The following DENND4C variants were observed in gnomAD, a reference collection of about 807,000 sequenced individuals.
The protein encoded by DENND4C is DENN domain containing 4C.
Under a neutral mutation model 203.0 loss-of-function variants are expected in DENND4C, and 108 were observed. The ratio of observed to expected loss-of-function variants is 0.53; its 90% CI spans 0.46 to 0.62. The LOEUF (loss-of-function observed/expected upper bound fraction) is 0.62, where lower values mean the gene tolerates loss of function less well. DENND4C is among the 20% of genes least tolerant of loss of function. The pLI is 0.00. For missense variants in DENND4C, 2,481 were observed against 2,301.2 expected, an observed-to-expected ratio of 1.08 and a Z score of -1.60; for synonymous variants, 871 against 792.4, an observed-to-expected ratio of 1.10 and a Z score of -1.67.
chr9:19,330,151 T>C (rs1818742896), intron 16 of DENND4C, among the ~76,000 whole-genome samples: 1 of 152,086 alleles, frequency 6.6e-6, no homozygotes, highest in African/African-American at 2.4e-5. Flanking sequence ...GGCAAATTTC[T>C]AAAACGAGAA....
chr9:19,262,202 T>A (rs960665317), intron 1 of DENND4C, among the ~76,000 whole-genome samples: 1 of 145,040 alleles, frequency 6.9e-6, no homozygotes, highest in Non-Finnish European at 1.5e-5. Flanking sequence ...TTCTTCGACC[T>A]CAGCCTCCAG....
intron 1 of DENND4C, among the ~76,000 whole-genome samples, chr9:19,269,977 G>C (rs1564104267): frequency 6.6e-6 from 1 of 152,166 alleles, no homozygotes; most frequent in Non-Finnish European, 1.5e-5. Context: ...TCTACATTAG[G>C]GAGCACCTTA....
At chr9:19,257,252 A>G (rs960821416) in intron 1 of DENND4C, among the ~76,000 whole-genome samples, 3 of 151,566 alleles carry the variant, frequency 2.0e-5, no homozygotes, top group Non-Finnish European at 4.4e-5. Flanking sequence ...GCTACTCAGG[A>G]GGCTGAGGTG....
chr9:19,296,219 C>G lies in DENND4C; in HGVS notation c.1013C>G (p.Ser338Cys), dbSNP rs898914437. The G allele has an allele frequency of 1.9e-6, 3 of 1,611,590 alleles. No individual in the cohort carries two copies. The highest frequency in any genetic ancestry group is 2.7e-5 in the African/African-American group (2 of 74,772). Residue 338 changes from serine to cysteine, a missense_variant, in exon 6 of 33, where the codon TCT (serine) becomes TGT (cysteine). By Grantham distance (112) the Ser-to-Cys change is moderately radical (BLOSUM62 -1). Coordinates refer to ENST00000434457, the MANE Select transcript of DENND4C (RefSeq NM_001330640.2). ...ATGTTTATCTACAAACTTTCTGTGTCTGGACCACATCCTCTTCCCATTGAA... is the reference window on the plus strand; with the variant it reads ...ATGTTTATCTACAAACTTTCTGTGTGTGGACCACATCCTCTTCCCATTGAA... ...FLMFIYKLSV[S>C]GPHPLPIEKH...
intron 10 of DENND4C, among the ~76,000 whole-genome samples, chr9:19,315,693 C>G (rs895995511): frequency 2.7e-5 from 4 of 150,076 alleles, no homozygotes; most frequent in Non-Finnish European, 5.9e-5. Flanking sequence ...ATGGTCATCT[C>G]TATGGCTTTG....
intron 2 of DENND4C, among the ~76,000 whole-genome samples, chr9:19,280,493 A>C (rs891077721): frequency 1.3e-5 from 2 of 152,110 alleles, no homozygotes; most frequent in South Asian, 2.1e-4. Flanking sequence ...AAATGGGTGT[A>C]AACACAGAGT....
intron 10 of DENND4C, among the ~76,000 whole-genome samples, chr9:19,312,228 C>T (rs913062394): frequency 1.3e-5 from 2 of 152,086 alleles, no homozygotes; most frequent in African/African-American, 4.8e-5. Context: ...CTCAGCCTCC[C>T]GAGTAGCTGG....
At position 19,342,781 on chromosome 9, in the gene DENND4C, TGA is replaced by T. The variant is rs1426045849; in HGVS notation, c.3151+4_3151+5del. 6.3e-7 allele frequency: 1 copy of T among 1,593,260 alleles called. No homozygotes were observed. The highest frequency in any genetic ancestry group is 2.3e-5 in the East Asian group (1 of 44,372). On this transcript the variant is annotated splice_donor_region_variant and intron_variant, in intron 22 of 32. Coordinates refer to ENST00000434457, the MANE Select transcript of DENND4C (RefSeq NM_001330640.2). ...TCAACAGCAGGAAAAGTAGCACTGG[TGA>T]GTCTTTACATTTTGGTTATTAAATA... is the stretch of plus-strand genomic sequence containing the variant.
intron 10 of DENND4C, among the ~76,000 whole-genome samples, chr9:19,314,221 G>C (rs1841318898): frequency 1.3e-5 from 2 of 152,158 alleles, no homozygotes; most frequent in African/African-American, 4.8e-5. Context: ...TTGGGAGGCT[G>C]ATGCAGGCGG....
chr9:19,276,634 T>C, intron 2 of DENND4C, 155 bp downstream of exon 2: 1 of 445,272 alleles, frequency 2.2e-6, no homozygotes, highest in Non-Finnish European at 3.7e-6. Flanking sequence ...TATAGTAATA[T>C]ATTACATGCC....
chr9:19,276,535 A>T, intron 2 of DENND4C, 56 bp downstream of exon 2: 1 of 1,043,084 alleles, frequency 9.6e-7, no homozygotes, highest in East Asian at 3.2e-5. Flanking sequence ...TTTAAGGGCC[A>T]TGGAAGTAGG....
At chr9:19,354,042 C>T (rs887608389) in intron 26 of DENND4C, among the ~76,000 whole-genome samples, 2 of 152,144 alleles carry the variant, frequency 1.3e-5, no homozygotes, top group African/African-American at 4.8e-5. Context: ...TCCTCATTCC[C>T]ACCCTCATTC....
At chr9:19,303,109 C>T (rs1245984284) in intron 9 of DENND4C, among the ~76,000 whole-genome samples, 1 of 151,470 alleles carries the variant, frequency 6.6e-6, no homozygotes, top group Non-Finnish European at 1.5e-5. Flanking sequence ...TGGATTTTGG[C>T]ATGTTTGCAG....
At chr9:19,260,454 G>A (rs1662211928) in intron 1 of DENND4C, among the ~76,000 whole-genome samples, 1 of 151,922 alleles carries the variant, frequency 6.6e-6, no homozygotes, top group Non-Finnish European at 1.5e-5. Flanking sequence ...CTGGAATGGG[G>A]TGGCATGATC....
intron 16 of DENND4C, among the ~76,000 whole-genome samples, chr9:19,328,798 C>CA (rs1175960762): frequency 6.6e-6 from 1 of 151,958 alleles, no homozygotes; most frequent in Admixed American, 6.6e-5. Context: ...CCTGTAATCC[C>CA]AGCACTTTGG....
intron 1 of DENND4C, among the ~76,000 whole-genome samples, chr9:19,269,589 C>T (rs1316361636): frequency 1.3e-5 from 2 of 152,218 alleles, no homozygotes; most frequent in Admixed American, 6.5e-5. Flanking sequence ...AGAATTTCTG[C>T]TGGATTTTAA....
chr9:19,319,264 C>G (rs1221396140), intron 12 of DENND4C, among the ~76,000 whole-genome samples: 1 of 142,064 alleles, frequency 7.0e-6, no homozygotes, highest in African/African-American at 2.6e-5. Flanking sequence ...TATGTATAAA[C>G]ATATATAGTA....
intron 1 of DENND4C, among the ~76,000 whole-genome samples, chr9:19,269,082 C>G (rs10757043): frequency 0.5 from 75,276 of 151,918 alleles, 19,410 homozygotes; most frequent in South Asian, 0.65. Context: ...CCTTTTGAGG[C>G]TATTTTCTAG....
At chr9:19,273,860 A>G (rs1176386480) in intron 1 of DENND4C, among the ~76,000 whole-genome samples, 1 of 152,052 alleles carries the variant, frequency 6.6e-6, no homozygotes, top group Non-Finnish European at 1.5e-5. Flanking sequence ...ACTATTAGGT[A>G]GTTTTTTAGA....
Sources: gnomAD v4.1 joint callset for allele counts (sites outside exome capture counted in the v4.1 genomes callset) on GRCh38, gnomAD v4.1.1 for gene constraint, MANE v1.5 for transcripts, NCBI Gene and HGNC (gene_info 2026-07-23, HGNC 2026-07-21) for gene names.